Variants in ADAMTSL1 observed in about 807,000 individuals in gnomAD.
ADAMTSL1 encodes the protein ADAMTS like 1.
A neutral mutation model predicts 201.8 loss-of-function variants in ADAMTSL1; 126 were observed. That is an observed-to-expected ratio of 0.62 (90% CI 0.54 to 0.72). ADAMTSL1 has a LOEUF of 0.72. Among genes scored for constraint, ADAMTSL1 ranks in the 30% least tolerant of loss-of-function variants. ADAMTSL1 has a pLI of 0.00. For synonymous variants in ADAMTSL1, 1,121 were observed against 903.4 expected (o/e 1.24, Z -4.32); for missense variants, 2,679 against 2,277.8 (o/e 1.18, Z -3.59).
chr9:18,560,379 GC>G (rs1048753482), intron 3 of ADAMTSL1, among the ~76,000 whole-genome samples: 23 of 152,168 alleles, frequency 1.5e-4, no homozygotes, highest in African/African-American at 5.3e-4. Flanking sequence ...TGGTGGATAA[GC>G]TTTTTGATGT....
chr9:18,015,770 G>T (rs1308030150), intron 1 of ADAMTSL1, among the ~76,000 whole-genome samples: 1 of 151,924 alleles, frequency 6.6e-6, no homozygotes, highest in Non-Finnish European at 1.5e-5. Flanking sequence ...AAACACCTAT[G>T]ATTTCAAAAA....
At chr9:18,703,868 A>G (rs1240963912) in intron 13 of ADAMTSL1, among the ~76,000 whole-genome samples, 1 of 151,676 alleles carries the variant, frequency 6.6e-6, no homozygotes, top group Non-Finnish European at 1.5e-5. Context: ...CATCAAATGC[A>G]AAGTCATTTA....
In ADAMTSL1 at chr9:18,674,197, GGC is replaced by G. The variant is rs1491140978; in HGVS notation, c.1086-1659_1086-1658del. Among the ~76,000 whole-genome samples the G allele has an allele frequency of 5.2e-3, 506 of 97,010 alleles. 4 individuals carry two copies. The highest frequency in any genetic ancestry group is 0.016 in the African/African-American group (481 of 29,946). The allele number at this position is 97,010 out of a possible 152,430, so 63.6% of individuals were successfully genotyped here. A position where few individuals can be genotyped will look rare whatever the true frequency, so the allele number is the denominator to read the frequency against. On this transcript the variant is annotated intron_variant, in intron 9 of 28. Coordinates refer to ENST00000380548, the MANE Select transcript of ADAMTSL1 (RefSeq NM_001040272.6). ...GTTACTGAAGGTTAATACACACACA[GGC>G]ACACACACACACACACACACACAAA...
chr9:18,106,981 A>G lies in ADAMTSL1; in HGVS notation c.88-56881A>G, dbSNP rs192466750. On this transcript the variant is annotated intron_variant, in intron 1 of 29. Transcript: ENST00000680146. ...AAACTTACTTTATTGACTAACAAAA[A>G]TAGACTGTAGACCACATAGGTTGGG... is the stretch of plus-strand genomic sequence containing the variant. Among the ~76,000 whole-genome samples, 10 of 152,342 alleles carry G rather than the reference A, an allele frequency of 6.6e-5. No individual in the cohort carries two copies. In the East Asian group the frequency reaches 1.9e-3, roughly 29 times the overall value.
At chr9:18,536,318 A>T (rs1295956237) in intron 3 of ADAMTSL1, among the ~76,000 whole-genome samples, 1 of 152,124 alleles carries the variant, frequency 6.6e-6, no homozygotes, top group Non-Finnish European at 1.5e-5. Context: ...GGCACTTCTG[A>T]ACTACTTCAT....
intron 25 of ADAMTSL1, among the ~76,000 whole-genome samples, chr9:18,890,236 G>T (rs1467105490): frequency 2.0e-5 from 3 of 152,184 alleles, no homozygotes; most frequent in Non-Finnish European, 2.9e-5. Flanking sequence ...TTCTACAAAG[G>T]CTTGCGTCTC....
At chr9:18,193,392 G>A (rs909346769) in intron 2 of ADAMTSL1, among the ~76,000 whole-genome samples, 3 of 152,042 alleles carry the variant, frequency 2.0e-5, no homozygotes, top group Admixed American at 1.3e-4. Context: ...AGGAGGAATC[G>A]GGAACAGTTA....
chr9:18,503,510 G>A (rs1210779174), intron 1 of ADAMTSL1, among the ~76,000 whole-genome samples: 2 of 149,676 alleles, frequency 1.3e-5, no homozygotes, highest in African/African-American at 4.9e-5. Context: ...TGCTTTTTAT[G>A]TATCAACTCT....
At chr9:18,512,685 C>T (rs1262989080) in intron 2 of ADAMTSL1, among the ~76,000 whole-genome samples, 3 of 152,074 alleles carry the variant, frequency 2.0e-5, no homozygotes, top group African/African-American at 7.2e-5. Flanking sequence ...AAGAGAAGTT[C>T]CCCCAGTTCT....
chr9:18,715,449 A>G (rs976242532), intron 14 of ADAMTSL1, among the ~76,000 whole-genome samples: 15 of 152,118 alleles, frequency 9.9e-5, no homozygotes, highest in African/African-American at 2.9e-4. Flanking sequence ...ACAACAGACA[A>G]ACAGAGAGCC....
At chr9:18,840,614 A>T (rs1193954399) in intron 23 of ADAMTSL1, among the ~76,000 whole-genome samples, 1 of 152,184 alleles carries the variant, frequency 6.6e-6, no homozygotes, top group African/African-American at 2.4e-5. Flanking sequence ...TGAATCTATA[A>T]ATTACCTTTG....
Position 18,910,586 on chromosome 9 carries a change from A to G in ADAMTSL1, c.*2038A>G, listed in dbSNP as rs1284581112. The stretch of plus-strand genomic sequence containing the variant: ...TTTGTGGCATAATAGTTATGCATGG[A>G]ATGATAAAGACAGACAAATTCCATA... On this transcript the variant is annotated 3_prime_UTR_variant, in exon 29 of 29. Transcript: ENST00000380548. The G allele has an allele frequency of 6.6e-6, 1 of 152,230 alleles. No homozygotes were observed. Among genetic ancestry groups the G allele is most frequent in the African/African-American group, 2.4e-5 (1 of 41,458 alleles). 9.4% of individuals were successfully genotyped at this position (152,230 alleles called of 1,614,324 possible).
Position 18,683,759 on chromosome 9 carries a change from G to C in ADAMTSL1, c.1490-957G>C, listed in dbSNP as rs1403790283. On this transcript the variant is annotated intron_variant, in intron 12 of 28. Transcript: ENST00000380548. ...GCTTTATCTTTACCAAGCCACTTCA[G>C]AGAAAGAAAAGCAGTTTGCAGTTAA... Among the ~76,000 whole-genome samples the C allele has an allele frequency of 2.6e-5, 4 of 152,156 alleles. No homozygotes were observed. The East Asian group carries it at 7.7e-4, about 29-fold the overall frequency.
intron 23 of ADAMTSL1, among the ~76,000 whole-genome samples, chr9:18,880,899 G>A (rs1357975628): frequency 6.6e-6 from 1 of 152,140 alleles, no homozygotes; most frequent in East Asian, 1.9e-4. Flanking sequence ...CATCATCAGT[G>A]ATCTTAGCCA....
chr9:18,500,776 C>A (rs561964651), intron 1 of ADAMTSL1, among the ~76,000 whole-genome samples: 2 of 152,230 alleles, frequency 1.3e-5, no homozygotes, highest in East Asian at 3.9e-4. Context: ...ATATGAGATG[C>A]ACTCTAGACT....
intron 19 of ADAMTSL1, chr9:18,793,370 G>A (rs1365767346): frequency 6.6e-6 from 1 of 150,424 alleles, no homozygotes; most frequent in Non-Finnish European, 1.5e-5. Flanking sequence ...ATTAGAAGTG[G>A]TGCTGAAATG....
intron 1 of ADAMTSL1, among the ~76,000 whole-genome samples, chr9:17,917,607 T>A (rs1047527916): frequency 6.6e-6 from 1 of 152,042 alleles, no homozygotes; most frequent in Non-Finnish European, 1.5e-5. Context: ...TTGTTTAGAA[T>A]TTTTACATCT....
chr9:17,947,354 T>G (rs961303365), intron 1 of ADAMTSL1, among the ~76,000 whole-genome samples: 1 of 146,588 alleles, frequency 6.8e-6, no homozygotes, highest in South Asian at 2.2e-4. Flanking sequence ...CACCCCACTA[T>G]GCACTTGATA....
chr9:18,581,374 G>T (rs1823078912), intron 4 of ADAMTSL1, among the ~76,000 whole-genome samples: 1 of 152,148 alleles, frequency 6.6e-6, no homozygotes, highest in African/African-American at 2.4e-5. Flanking sequence ...AGGCATCAGA[G>T]GTTTTGACTT....
Sources: allele counts gnomAD v4.1 joint callset (sites outside exome capture counted in the v4.1 genomes callset), GRCh38; gene constraint gnomAD v4.1.1; transcripts MANE v1.5; gene names NCBI Gene and HGNC (gene_info 2026-07-23, HGNC 2026-07-21).